HERPUD2: variants seen among roughly 807,000 people sequenced by gnomAD.
The protein encoded by HERPUD2 is homocysteine-responsive endoplasmic reticulum-resident ubiquitin-like domain member 2 protein.
A neutral mutation model predicts 49.9 loss-of-function variants in HERPUD2; 13 were observed. That is an observed-to-expected ratio of 0.26 (90% confidence interval 0.17 to 0.41). HERPUD2 has a LOEUF of 0.41. Among genes scored for constraint, HERPUD2 ranks in the 10% least tolerant of loss-of-function variants. The probability of loss-of-function intolerance (pLI) is 1.00; values close to 1 mark genes in which losing one functional copy is unlikely to be tolerated. For synonymous variants in HERPUD2, 172 were observed against 171.4 expected, an observed-to-expected ratio of 1.00 and a Z score of -0.03; for missense variants, 449 against 492.2, an observed-to-expected ratio of 0.91 and a Z score of 0.83.
intron 2 of HERPUD2, among the ~76,000 whole-genome samples, chr7:35,677,831 G>C (rs1785798959): frequency 6.6e-6 from 1 of 152,180 alleles, no homozygotes; most frequent in Admixed American, 6.5e-5. Context: ...GTCTTGTGTA[G>C]AGGAGTTGGA....
intron 5 of HERPUD2, among the ~76,000 whole-genome samples, chr7:35,653,891 T>G (rs973546877): frequency 6.6e-6 from 1 of 152,126 alleles, no homozygotes; most frequent in Non-Finnish European, 1.5e-5. Flanking sequence ...TCCCAGCTAC[T>G]CAGGAGGCTG....
chr7:35,661,960 A>C (rs533479061), intron 5 of HERPUD2, among the ~76,000 whole-genome samples: 156 of 152,334 alleles, frequency 1.0e-3, no homozygotes, highest in Admixed American at 2.0e-3. Flanking sequence ...GCCAGTTTTC[A>C]AAGGGAATGC....
Position 35,634,432 on chromosome 7 carries a change from G to A in HERPUD2, c.942-3C>T. On this transcript the variant is annotated splice_polypyrimidine_tract_variant and splice_region_variant and intron_variant, in intron 7 of 8. Coordinates refer to ENST00000311350, the MANE Select transcript of HERPUD2 (RefSeq NM_022373.5). Reference sequence around the variant, plus strand: ...AAGGAAACCATCCAGCTTGGTGTCTGTTCAGTAAAATAAAGAGAAAATAAA... The same window carrying A: ...AAGGAAACCATCCAGCTTGGTGTCTATTCAGTAAAATAAAGAGAAAATAAA... 6.4e-7 allele frequency: 1 copy of A among 1,571,816 alleles called. No individual in the cohort carries two copies. The highest frequency in any genetic ancestry group is 8.8e-7 in the Non-Finnish European group (1 of 1,142,822).
chr7:35,687,002 G>A (rs1454712209), intron 2 of HERPUD2, among the ~76,000 whole-genome samples: 1 of 151,856 alleles, frequency 6.6e-6, no homozygotes, highest in East Asian at 1.9e-4. Flanking sequence ...AGAGGTTGCA[G>A]TGAGCTGAGA....
At chr7:35,657,664 C>T (rs1430355214) in intron 5 of HERPUD2, among the ~76,000 whole-genome samples, 2 of 146,816 alleles carry the variant, frequency 1.4e-5, no homozygotes, top group African/African-American at 2.5e-5. Context: ...AATCCCAGCA[C>T]TTTGGGAGGC....
In HERPUD2 at chr7:35,633,700, A is replaced by G. The variant is rs1373658714; in HGVS notation, c.1211T>C (p.Val404Ala). ...TSLIPEGPPQ[V>A]AN is the part of the protein sequence containing the mutation. ...GCACAGTTTTTCAGGTCAATTGGCA[A>G]CCTGGGGAGGCCCCTCTGGTATTAG... is the stretch of plus-strand genomic sequence containing the variant. The change falls in exon 9 of 9, where the codon GTT (valine) becomes GCT (alanine). Residue 404 changes from valine (V) to alanine (A), a missense_variant. By Grantham distance (64) the Val-to-Ala change is moderately conservative. Coordinates refer to ENST00000311350, the MANE Select transcript of HERPUD2 (RefSeq NM_022373.5). 1 of 1,613,158 alleles carries G rather than the reference A, an allele frequency of 6.2e-7. No individual in the cohort carries two copies. The highest frequency in any genetic ancestry group is 8.5e-7 in the Non-Finnish European group (1 of 1,179,670).
chr7:35,677,558 C>G (rs1211835403), intron 2 of HERPUD2, among the ~76,000 whole-genome samples: 1 of 152,052 alleles, frequency 6.6e-6, no homozygotes, highest in Non-Finnish European at 1.5e-5. Flanking sequence ...AGGAGAGACA[C>G]GTAGAGATAG....
intron 2 of HERPUD2, among the ~76,000 whole-genome samples, chr7:35,682,264 T>C (rs534423894): frequency 2.0e-5 from 1 of 49,908 alleles, no homozygotes; most frequent in Non-Finnish European, 4.1e-5. Context: ...TGTGTGTGTA[T>C]ATATAGATAT....
chr7:35,641,026 A>G (rs1168956081), intron 5 of HERPUD2, among the ~76,000 whole-genome samples: 1 of 152,066 alleles, frequency 6.6e-6, no homozygotes, highest in African/African-American at 2.4e-5. Context: ...AAGAAAGAAG[A>G]AAAAAAATCA....
At chr7:35,642,818 G>A (rs1206697348) in intron 5 of HERPUD2, among the ~76,000 whole-genome samples, 1 of 152,142 alleles carries the variant, frequency 6.6e-6, no homozygotes, top group African/African-American at 2.4e-5. Flanking sequence ...AGTGGAGGGT[G>A]GGAGGAGGGA....
intron 5 of HERPUD2, among the ~76,000 whole-genome samples, chr7:35,646,885 C>T (rs1785063768): frequency 6.6e-6 from 1 of 151,746 alleles, no homozygotes; most frequent in Non-Finnish European, 1.5e-5. Flanking sequence ...ATCGGCTATA[C>T]TAGTTAGCAC....
intron 5 of HERPUD2, among the ~76,000 whole-genome samples, chr7:35,661,785 AG>A (rs1562677008): frequency 2.6e-5 from 4 of 152,140 alleles, no homozygotes. Context: ...CTGAGATGAT[AG>A]GGTTTTCTAA....
chr7:35,665,504 G>A (rs1305040551), intron 5 of HERPUD2, among the ~76,000 whole-genome samples: 1 of 152,192 alleles, frequency 6.6e-6, no homozygotes, highest in African/African-American at 2.4e-5. Context: ...CGATTTTCCA[G>A]GTGCAGTCTC....
intron 2 of HERPUD2, among the ~76,000 whole-genome samples, chr7:35,675,045 AAC>A (rs1401021522): frequency 6.6e-6 from 1 of 152,190 alleles, no homozygotes; most frequent in Non-Finnish European, 1.5e-5. Context: ...GTTGGTCAAA[AAC>A]ACAGACCACA....
At chr7:35,677,099 C>T (rs1318946479) in intron 2 of HERPUD2, among the ~76,000 whole-genome samples, 2 of 152,112 alleles carry the variant, frequency 1.3e-5, no homozygotes, top group African/African-American at 4.8e-5. Context: ...AAGGTGCATT[C>T]AAAGAGGCTT....
intron 5 of HERPUD2, among the ~76,000 whole-genome samples, chr7:35,654,245 C>T (rs1785229190): frequency 6.7e-6 from 1 of 149,492 alleles, no homozygotes. Context: ...AAACACAATA[C>T]AAAAGATCAA....
chr7:35,658,506 G>A (rs1036707185), intron 5 of HERPUD2, among the ~76,000 whole-genome samples: 7 of 152,162 alleles, frequency 4.6e-5, no homozygotes, highest in Non-Finnish European at 1.0e-4. Context: ...CTAGGTGATG[G>A]ATACCGTAAA....
intron 5 of HERPUD2, among the ~76,000 whole-genome samples, chr7:35,641,301 T>G (rs1447042004): frequency 6.6e-6 from 1 of 152,050 alleles, no homozygotes; most frequent in East Asian, 1.9e-4. Context: ...AAAACACAAT[T>G]ACAAAATTAA....
intron 5 of HERPUD2, among the ~76,000 whole-genome samples, chr7:35,645,411 T>A (rs1785034445): frequency 6.6e-6 from 1 of 151,998 alleles, no homozygotes; most frequent in South Asian, 2.1e-4. Flanking sequence ...TGAGATCCCA[T>A]CTCTAACAAA....
Sources: allele counts gnomAD v4.1 joint callset (sites outside exome capture counted in the v4.1 genomes callset), GRCh38; gene constraint gnomAD v4.1.1; transcripts MANE v1.5; gene names NCBI Gene and HGNC (gene_info 2026-07-23, HGNC 2026-07-21).